SPON1: variants seen among roughly 807,000 people sequenced by gnomAD.
SPON1 encodes the protein spondin 1.
SPON1 carries 52 observed loss-of-function variants against 111.7 expected under a neutral mutation model. The ratio of observed to expected loss-of-function variants is 0.47; its 90% confidence interval spans 0.37 to 0.59. The LOEUF (loss-of-function observed/expected upper bound fraction) is 0.59, where lower values mean the gene tolerates loss of function less well. SPON1 is among the 20% of genes least tolerant of loss of function. The pLI is 0.00. For missense variants in SPON1, 957 were observed against 1,068.5 expected, an observed-to-expected ratio of 0.90 and a Z score of 1.46; for synonymous variants, 410 against 395.8, an observed-to-expected ratio of 1.04 and a Z score of -0.43.
chr11:14,178,472 T>G (rs1277256640), intron 6 of SPON1, among the ~76,000 whole-genome samples: 2 of 150,782 alleles, frequency 1.3e-5, no homozygotes, highest in South Asian at 2.1e-4. Context: ...CTGCACAAAC[T>G]TGGTCTCAGT....
intron 3 of SPON1, 108 bp downstream of exon 3, chr11:14,041,762 C>A: frequency 8.0e-7 from 1 of 1,246,402 alleles, no homozygotes; most frequent in Non-Finnish European, 1.1e-6. Context: ...TGCATCATCT[C>A]TCTGCCCTCC....
chr11:14,126,912 G>T (rs782215462), intron 5 of SPON1, among the ~76,000 whole-genome samples: 4 of 151,984 alleles, frequency 2.6e-5, no homozygotes, highest in Admixed American at 6.6e-5. Context: ...ACCTCATTCT[G>T]CAGGCCCCAG....
intron 2 of SPON1, among the ~76,000 whole-genome samples, chr11:13,997,787 A>G (rs936784417): frequency 1.3e-5 from 2 of 152,232 alleles, no homozygotes; most frequent in Non-Finnish European, 2.9e-5. Flanking sequence ...ATGCGCAAAC[A>G]AAATCTGTTC....
intron 3 of SPON1, among the ~76,000 whole-genome samples, chr11:14,070,774 C>T (rs1457983156): frequency 6.6e-6 from 1 of 152,100 alleles, no homozygotes; most frequent in African/African-American, 2.4e-5. Flanking sequence ...TAACTTCACC[C>T]CAACAGGCAG....
chr11:13,990,898 C>T (rs1446496038), intron 2 of SPON1, among the ~76,000 whole-genome samples: 5 of 152,168 alleles, frequency 3.3e-5, no homozygotes, highest in Middle Eastern at 3.2e-3. Context: ...TAAATATTGG[C>T]CCCCACTCTC....
chr11:14,169,964 G>T (rs1848077776), intron 6 of SPON1, among the ~76,000 whole-genome samples: 2 of 152,216 alleles, frequency 1.3e-5, no homozygotes, highest in African/African-American at 4.8e-5. Context: ...GCTTAGGATT[G>T]ACTTGGCAAT....
At chr11:14,172,513 G>A (rs1411599199) in intron 6 of SPON1, among the ~76,000 whole-genome samples, 1 of 151,772 alleles carries the variant, frequency 6.6e-6, no homozygotes, top group Non-Finnish European at 1.5e-5. Flanking sequence ...ATATTGTTAT[G>A]TGTGAATTTG....
At chr11:14,092,498 T>C (rs7941345) in intron 5 of SPON1, among the ~76,000 whole-genome samples, 127,776 of 152,138 alleles carry the variant, frequency 0.84, 53,787 homozygotes, top group East Asian at 1. Context: ...GATGGGGCAA[T>C]ACCCAGTCTC....
intron 6 of SPON1, among the ~76,000 whole-genome samples, chr11:14,221,554 C>G (rs1334875489): frequency 6.6e-6 from 1 of 151,192 alleles, no homozygotes; most frequent in Non-Finnish European, 1.5e-5. Context: ...TAAAGCAAGA[C>G]AGCTGCCACG....
intron 6 of SPON1, among the ~76,000 whole-genome samples, chr11:14,239,562 C>T (rs1456077352): frequency 4.6e-5 from 7 of 151,994 alleles, no homozygotes; most frequent in African/African-American, 1.5e-4. Flanking sequence ...CCCATCTCTA[C>T]AAAAATACAA....
chr11:14,159,219 G>C (rs1301979274), intron 6 of SPON1, among the ~76,000 whole-genome samples: 2 of 152,008 alleles, frequency 1.3e-5, no homozygotes, highest in African/African-American at 4.8e-5. Flanking sequence ...TGAGTTATTA[G>C]ATGTGAAACA....
At chr11:14,004,437 C>G (rs1290144736) in intron 2 of SPON1, among the ~76,000 whole-genome samples, 4 of 151,650 alleles carry the variant, frequency 2.6e-5, no homozygotes, top group African/African-American at 9.8e-5. Flanking sequence ...CTATACCAAT[C>G]TACGTTTCCA....
chr11:14,231,334 C>T (rs1360105371), intron 6 of SPON1, among the ~76,000 whole-genome samples: 8 of 151,382 alleles, frequency 5.3e-5, no homozygotes, highest in Non-Finnish European at 8.8e-5. Context: ...AGGGTTTTAC[C>T]GTGTTAGCCA....
intron 3 of SPON1, among the ~76,000 whole-genome samples, chr11:14,051,597 A>C (rs1356579623): frequency 6.6e-6 from 1 of 151,908 alleles, no homozygotes; most frequent in African/African-American, 2.4e-5. Flanking sequence ...ATGTGAGGAC[A>C]GGAGGAGATG....
At chr11:14,112,434 T>C (rs1431616300) in intron 5 of SPON1, among the ~76,000 whole-genome samples, 1 of 152,232 alleles carries the variant, frequency 6.6e-6, no homozygotes, top group Admixed American at 6.5e-5. Context: ...CCACCACTTA[T>C]TACCTGCAAG....
At chr11:14,081,707 A>G (rs2133833157) in intron 5 of SPON1, among the ~76,000 whole-genome samples, 1 of 151,900 alleles carries the variant, frequency 6.6e-6, no homozygotes, top group East Asian at 1.9e-4. Context: ...GGAATGGGAG[A>G]GAGAGATTAA....
At chr11:13,966,705 G>T (rs568057362) in intron 1 of SPON1, among the ~76,000 whole-genome samples, 1 of 152,316 alleles carries the variant, frequency 6.6e-6, no homozygotes, top group South Asian at 2.1e-4. Flanking sequence ...GACCACAGGG[G>T]TGGACACCTC....
At chr11:14,083,063 G>A (rs1394424877) in intron 5 of SPON1, among the ~76,000 whole-genome samples, 2 of 151,818 alleles carry the variant, frequency 1.3e-5, no homozygotes, top group Admixed American at 6.6e-5. Flanking sequence ...CAGAGAAATT[G>A]AAAAATATTA....
chr11:14,122,175 T>A (rs973128480), intron 5 of SPON1, among the ~76,000 whole-genome samples: 2 of 148,726 alleles, frequency 1.3e-5, no homozygotes, highest in Non-Finnish European at 1.5e-5. Flanking sequence ...TATTTTTTTT[T>A]ATTTATTTAT....
Sources: allele counts gnomAD v4.1 joint callset (sites outside exome capture counted in the v4.1 genomes callset), GRCh38; gene constraint gnomAD v4.1.1; transcripts MANE v1.5; gene names NCBI Gene and HGNC (gene_info 2026-07-23, HGNC 2026-07-21).